NCKAP5L: variants seen among roughly 807,000 people sequenced by gnomAD.
The protein encoded by NCKAP5L is NCK associated protein 5 like.
A neutral mutation model predicts 103.2 loss-of-function variants in NCKAP5L; 54 were observed. The observed-to-expected ratio is 0.52, with a 90% CI of 0.42 to 0.66. The LOEUF (loss-of-function observed/expected upper bound fraction) is 0.66. Ranked by LOEUF, NCKAP5L falls within the 30% of genes least tolerant of loss-of-function variation. The probability of loss-of-function intolerance (pLI) is 0.00; values close to 1 mark genes in which losing one functional copy is unlikely to be tolerated. For synonymous variants in NCKAP5L, 762 were observed against 748.6 expected (o/e 1.02, Z -0.29); for missense variants, 1,733 against 1,750.6 (o/e 0.99, Z 0.18).
rs767971442 is a variant in NCKAP5L, at chr12:49,792,923, C to T, written c.3404G>A (p.Gly1135Asp). 1.3e-6 allele frequency: 2 copies of T among 1,553,960 alleles called. No homozygotes were observed. The highest frequency in any genetic ancestry group is 4.5e-5 in the East Asian group (2 of 44,414). ...GIGTFPPPDH[G>D]SSGTPSKNLP... ...ATTCTTGCTGGGGGTCCCACTGCTA[C>T]CATGGTCTGGGGGTGGGAAGGTCCC... Residue 1135 changes from glycine (G) to aspartate (D), a missense_variant, in exon 11 of 13, where the codon GGT becomes GAT. Transcript: ENST00000335999. This position sits in a 1 kb window ranked among gnomAD's most constrained non-coding sequence, Gnocchi z 4.5.
intron 1 of NCKAP5L, among the ~76,000 whole-genome samples, chr12:49,826,444 G>A (rs1039620916): frequency 6.6e-6 from 1 of 152,126 alleles, no homozygotes; most frequent in Non-Finnish European, 1.5e-5. Flanking sequence ...GTGGGACAAG[G>A]TCTACTCTCA....
intron 1 of NCKAP5L, among the ~76,000 whole-genome samples, chr12:49,816,671 G>A (rs547120032): frequency 4.6e-5 from 7 of 151,764 alleles, no homozygotes; most frequent in Admixed American, 2.6e-4. Flanking sequence ...GGTGGCACGC[G>A]CCTGTGATCC....
intron 1 of NCKAP5L, among the ~76,000 whole-genome samples, chr12:49,826,116 T>C (rs1477873151): frequency 1.0e-5 from 1 of 98,544 alleles, no homozygotes; most frequent in Non-Finnish European, 2.0e-5. Flanking sequence ...GCCTGGGACC[T>C]GGGGGTGTGA....
At chr12:49,813,021 GTAT>G (rs1196684768) in intron 1 of NCKAP5L, among the ~76,000 whole-genome samples, 4 of 152,012 alleles carry the variant, frequency 2.6e-5, no homozygotes, top group African/African-American at 9.7e-5. Flanking sequence ...CTGTATTATT[GTAT>G]TATTTTTATT....
chr12:49,798,583 C>A, intron 6 of NCKAP5L, 120 bp from the exon 7 acceptor site: 1 of 822,770 alleles, frequency 1.2e-6, no homozygotes, highest in Non-Finnish European at 2.0e-6. Flanking sequence ...AGACTCCCAG[C>A]CCCAAATGCA....
intron 8 of NCKAP5L, 26 bp from the exon 9 acceptor site, chr12:49,793,922 T>G (rs1592746427): frequency 4.1e-6 from 6 of 1,461,162 alleles, no homozygotes; most frequent in Non-Finnish European, 5.5e-6. Context: ...CAGATATAGG[T>G]GAGGGTGGTC....
chr12:49,795,095 C>G lies in NCKAP5L; in HGVS notation c.2765G>C (p.Gly922Ala), dbSNP rs770021115. The change falls in exon 8 of 13, where the codon GGC (glycine) becomes GCC (alanine). Residue 922 changes from glycine to alanine, a missense_variant. Gly to Ala is a moderately conservative substitution (Grantham distance 60, BLOSUM62 0). Coordinates refer to ENST00000335999, the MANE Select transcript of NCKAP5L (RefSeq NM_001037806.4). The part of the protein sequence containing the change: ...RNTSSIASWF[G>A]LKKSKLPALN... ...CGCTGGCAGCTTGCTCTTCTTAAGG[C>G]CGAACCAGCTGGCGATGCTGCTGGT... The G allele has an allele frequency of 6.2e-7, 1 of 1,613,022 alleles. No individual in the cohort carries two copies. Among genetic ancestry groups the G allele is most frequent in the East Asian group, 2.2e-5 (1 of 44,862 alleles).
At chr12:49,822,246 G>A (rs1255761666) in intron 1 of NCKAP5L, among the ~76,000 whole-genome samples, 1 of 152,130 alleles carries the variant, frequency 6.6e-6, no homozygotes, top group Non-Finnish European at 1.5e-5. Flanking sequence ...AGAGCTGTGA[G>A]AAATAAATTT....
chr12:49,811,628 G>A (rs1413613652), intron 1 of NCKAP5L, among the ~76,000 whole-genome samples: 3 of 151,422 alleles, frequency 2.0e-5, no homozygotes, highest in East Asian at 2.0e-4. Context: ...CAATCTTCTC[G>A]TTGGGCACAG....
Position 49,794,993 on chromosome 12 carries a change from ATCTTGACTTCCC to A in NCKAP5L, c.2855_2866del (p.Arg952_Lys955del). The A allele has an allele frequency of 6.3e-7, 1 of 1,595,576 alleles. No homozygotes were observed. Among genetic ancestry groups the A allele is most frequent in the Non-Finnish European group, 8.5e-7 (1 of 1,171,922 alleles). On this transcript the variant is annotated inframe_deletion, in exon 8 of 13. Transcript: ENST00000335999. ...CTCGGCCTCCAGCTTCCGGGCTTCC[ATCTTGACTTCCC>A]TCCGGAGCGGGGAGCCCCCGCCAGC...
At chr12:49,807,767 G>A (rs1312502708) in intron 1 of NCKAP5L, among the ~76,000 whole-genome samples, 1 of 152,170 alleles carries the variant, frequency 6.6e-6, no homozygotes, top group East Asian at 1.9e-4. Flanking sequence ...CTGGGCCACT[G>A]TCCTCCCACT....
At position 49,794,847 on chromosome 12, in the gene NCKAP5L, T is replaced by C. The variant is rs1282694584; in HGVS notation, c.3013A>G (p.Asn1005Asp). The stretch of plus-strand genomic sequence containing the variant: ...CCCTGCACCTGCCCCAGCCCCGTGT[T>C]GGGCCCTGGGGCTGGGCCACCAGGC... The part of the protein sequence containing the change: ...PRPGGPAPGP[N>D]TGLGQVQGQL... The change falls in exon 8 of 13, where the codon AAC becomes GAC. Residue 1005 changes from asparagine (N) to aspartate (D), a missense_variant. Physicochemically the swap from Asn to Asp is conservative, Grantham distance 23 (BLOSUM62 1). Transcript: ENST00000335999. 6.6e-7 allele frequency: 1 copy of C among 1,515,280 alleles called. No homozygotes were observed. The highest frequency in any genetic ancestry group is 2.4e-5 in the East Asian group (1 of 41,372). 93.9% of individuals were successfully genotyped at this position (1,515,280 alleles called of 1,614,324 possible).
chr12:49,816,262 G>A (rs563527931), intron 1 of NCKAP5L, among the ~76,000 whole-genome samples: 1 of 151,932 alleles, frequency 6.6e-6, no homozygotes, highest in Non-Finnish European at 1.5e-5. Flanking sequence ...ACCAGACCAG[G>A]CCCTGAGCCA....
Position 49,797,144 on chromosome 12 carries a change from G to A in NCKAP5L, c.716C>T (p.Pro239Leu), listed in dbSNP as rs1313585662. The A allele has an allele frequency of 3.1e-6, 5 of 1,608,116 alleles. No individual in the cohort carries two copies. Among genetic ancestry groups the A allele is most frequent in the South Asian group, 1.1e-5 (1 of 90,168 alleles). ...LCGPPQPEPS[P>L]WAPCLLLGPG... ...GCCTAGCAGCAGGCAGGGCGCCCAG[G>A]GTGAGGGTTCAGGCTGAGGCGGGCC... The change falls in exon 8 of 13, where the codon CCC becomes CTC. Residue 239 changes from proline to leucine, a missense_variant. Coordinates refer to ENST00000335999, the MANE Select transcript of NCKAP5L (RefSeq NM_001037806.4). This position sits in a 1 kb window ranked among gnomAD's most constrained non-coding sequence, Gnocchi z 4.5.
chr12:49,806,858 G>A (rs1946186067), intron 1 of NCKAP5L, among the ~76,000 whole-genome samples: 1 of 152,268 alleles, frequency 6.6e-6, no homozygotes, highest in Non-Finnish European at 1.5e-5. Context: ...AGCCCAAAGG[G>A]TTGTTGGAGG....
Position 49,793,424 on chromosome 12 carries a change from C to T in NCKAP5L, c.3268G>A (p.Glu1090Lys), listed in dbSNP as rs199586331. ...GGCATCTCTTCCCGCCTCCCTGGCT[C>T]GCTGCTCGGCTGTGTGGGATACAGG... is the stretch of plus-strand genomic sequence containing the variant. Reference protein sequence around the residue: ...CGKPPGKPSSEPGRREEMPSE... With the variant: ...CGKPPGKPSSKPGRREEMPSE... The change falls in exon 10 of 13, where the codon GAG (glutamate) becomes AAG (lysine). Residue 1090 changes from glutamate (E) to lysine (K), a missense_variant. Coordinates refer to ENST00000335999, the MANE Select transcript of NCKAP5L (RefSeq NM_001037806.4). 2.2e-5 allele frequency: 35 copies of T among 1,609,410 alleles called. No individual in the cohort carries two copies. The highest frequency in any genetic ancestry group is 1.0e-4 in the Admixed American group (6 of 59,984).
Position 49,810,641 on chromosome 12 carries a change from C to T in NCKAP5L, c.-98-4600G>A, listed in dbSNP as rs537315444. Among the ~76,000 whole-genome samples the T allele has an allele frequency of 2.0e-3, 298 of 152,192 alleles. 1 individual carries two copies. The highest frequency in any genetic ancestry group is 7.0e-3 in the African/African-American group (289 of 41,504). On this transcript the variant is annotated intron_variant, in intron 1 of 12. Coordinates refer to ENST00000335999, the MANE Select transcript of NCKAP5L (RefSeq NM_001037806.4). ...TTCCAGATACTATGCTGTGTGATAC[C>T]GCAAAAGATTGAATACCGAAGCAGA...
At position 49,803,937 on chromosome 12, in the gene NCKAP5L, TCGGTGCAGAAGCTC is replaced by T. The variant is rs767876015; in HGVS notation, c.94_107del (p.Glu32ThrfsTer23). On this transcript the variant is annotated frameshift_variant, in exon 3 of 13. Transcript: ENST00000335999. LOFTEE classifies it high-confidence loss of function. ...CATGCCGCACCTCCAGCTCCCGCAG[TCGGTGCAGAAGCTC>T]CTGGCAGGTGCCTGGCTCCATGCTG... is the stretch of plus-strand genomic sequence containing the variant. 1 of 1,609,214 alleles carries T rather than the reference TCGGTGCAGAAGCTC, an allele frequency of 6.2e-7. No homozygotes were observed. The highest frequency in any genetic ancestry group is 1.7e-5 in the Admixed American group (1 of 60,004).
At position 49,796,645 on chromosome 12, in the gene NCKAP5L, G is replaced by A. The variant is rs1160549587; in HGVS notation, c.1215C>T (p.Phe405=). 1.9e-6 allele frequency: 3 copies of A among 1,585,924 alleles called. No individual in the cohort carries two copies. The highest frequency in any genetic ancestry group is 2.3e-5 in the South Asian group (2 of 87,604). The change falls in exon 8 of 13, where the codon TTC becomes TTT. Residue 405 remains phenylalanine, a synonymous_variant. Coordinates refer to ENST00000335999, the MANE Select transcript of NCKAP5L (RefSeq NM_001037806.4). ...ATSEGQGPLP[F]LSMFMGAGDA... ...CCCCAGCACCCATGAACATGCTAAG[G>A]AAGGGGAGGGGCCCCTGGCCCTCTG... is the stretch of plus-strand genomic sequence containing the variant.
Sources: gnomAD v4.1 joint callset for allele counts (sites outside exome capture counted in the v4.1 genomes callset) on GRCh38, gnomAD v4.1.1 for gene constraint, Gnocchi (gnomAD v3.1) non-coding constraint, MANE v1.5 for transcripts, NCBI Gene and HGNC (gene_info 2026-07-23, HGNC 2026-07-21) for gene names.